The following PGBD5 variants were observed in gnomAD, a reference collection of about 807,000 sequenced individuals.
PGBD5 encodes the protein piggyBac transposable element derived 5, also known as piggyBac transposable element-derived protein 5.
A neutral mutation model predicts 47.9 loss-of-function variants in PGBD5; 14 were observed. That is an observed-to-expected ratio of 0.29 (90% CI 0.19 to 0.46). The LOEUF (loss-of-function observed/expected upper bound fraction) is 0.46. Among genes scored for constraint, PGBD5 ranks in the 20% least tolerant of loss-of-function variants. The probability of loss-of-function intolerance (pLI) is 1.00; values close to 1 mark genes in which losing one functional copy is unlikely to be tolerated. For synonymous variants in PGBD5, 316 were observed against 306.3 expected (o/e 1.03, Z -0.33); for missense variants, 635 against 716.0 (o/e 0.89, Z 1.29).
At chr1:230,394,745 C>G (rs1656882294) in intron 1 of PGBD5, among the ~76,000 whole-genome samples, 1 of 132,654 alleles carries the variant, frequency 7.5e-6, no homozygotes, top group Non-Finnish European at 1.6e-5. Flanking sequence ...CCCTACCCTC[C>G]TCCCCTCCAC....
At chr1:230,422,690 T>C (rs549564962) in intron 1 of PGBD5, among the ~76,000 whole-genome samples, 2 of 152,120 alleles carry the variant, frequency 1.3e-5, no homozygotes, top group East Asian at 1.9e-4. Flanking sequence ...CCATAACTAC[T>C]GGCCGCACTT....
chr1:230,348,634 C>T (rs370043319), intron 3 of PGBD5, among the ~76,000 whole-genome samples: 1 of 152,156 alleles, frequency 6.6e-6, no homozygotes, highest in African/African-American at 2.4e-5. Flanking sequence ...AGATTAGCAC[C>T]TGGAGAACCA....
intron 4 of PGBD5, among the ~76,000 whole-genome samples, chr1:230,336,681 T>G (rs1667329093): frequency 6.6e-6 from 1 of 152,326 alleles, no homozygotes; most frequent in East Asian, 1.9e-4. Flanking sequence ...CTCATTGTAC[T>G]GTTGTTCCCT....
At position 230,332,976 on chromosome 1, in the gene PGBD5, G is replaced by C; in HGVS notation, c.1141C>G (p.Leu381Val). The change falls in exon 5 of 7, where the codon CTG becomes GTG. Residue 381 changes from leucine to valine, a missense_variant. Coordinates refer to ENST00000391860, the MANE Select transcript of PGBD5 (RefSeq NM_001258311.2). ...SDCTGLPLSM[L>V]TNPATPPARG... is the part of the protein sequence containing the mutation. Reference sequence around the variant, plus strand: ...GCCGGGGGTGTGGCTGGGTTGGTCAGCATGGACAGTGGGAGGCCGGTGCAG... The same window carrying C: ...GCCGGGGGTGTGGCTGGGTTGGTCACCATGGACAGTGGGAGGCCGGTGCAG... 6.2e-7 allele frequency: 1 copy of C among 1,613,832 alleles called. No homozygotes were observed. The highest frequency in any genetic ancestry group is 2.2e-5 in the East Asian group (1 of 44,850).
intron 1 of PGBD5, among the ~76,000 whole-genome samples, chr1:230,376,581 C>T (rs1192892804): frequency 6.6e-6 from 1 of 152,092 alleles, no homozygotes; most frequent in Non-Finnish European, 1.5e-5. Context: ...CTGCCCTCTG[C>T]AGAGCTGCCC....
intron 1 of PGBD5, among the ~76,000 whole-genome samples, chr1:230,371,891 C>A (rs1161070646): frequency 6.6e-6 from 1 of 152,200 alleles, no homozygotes; most frequent in East Asian, 1.9e-4. Context: ...CACCTCAGTG[C>A]AGTACCTTAA....
intron 1 of PGBD5, among the ~76,000 whole-genome samples, chr1:230,396,226 T>TTTTA (rs1230850546): frequency 1.3e-4 from 1 of 7,552 alleles, no homozygotes; most frequent in African/African-American, 7.8e-4. Context: ...CATTCCTCCT[T>TTTTA]TTTACCCCCA....
At chr1:230,360,540 CGTGATA>C (rs1190415290) in intron 1 of PGBD5, among the ~76,000 whole-genome samples, 5 of 152,134 alleles carry the variant, frequency 3.3e-5, no homozygotes, top group Non-Finnish European at 7.4e-5. Flanking sequence ...ATGCTGTTCT[CGTGATA>C]GTGAGTGAAT....
rs768993092 is a variant in PGBD5, at chr1:230,333,010, C to G, written c.1107G>C (p.Arg369=). ...GIYCCGLLRA[R]KSDCTGLPLS... ...GTGGGAGGCCGGTGCAGTCACTCTT[C>G]CGCGCGCGGAGCAAGCCGCAGCAGT... Residue 369 remains arginine, a synonymous_variant, in exon 5 of 7, where the codon CGG becomes CGC. Transcript: ENST00000391860. The G allele has an allele frequency of 6.2e-7, 1 of 1,608,590 alleles. No homozygotes were observed. The highest frequency in any genetic ancestry group is 8.5e-7 in the Non-Finnish European group (1 of 1,177,600).
chr1:230,330,299 G>A (rs1015816658), intron 5 of PGBD5, among the ~76,000 whole-genome samples: 7 of 152,160 alleles, frequency 4.6e-5, no homozygotes, highest in Non-Finnish European at 8.8e-5. Context: ...TACAGCCTGC[G>A]GCAACCCATC....
intron 1 of PGBD5, among the ~76,000 whole-genome samples, chr1:230,376,195 G>A (rs1668011555): frequency 6.6e-6 from 1 of 152,114 alleles, no homozygotes; most frequent in Non-Finnish European, 1.5e-5. Context: ...GAGAGCTGAT[G>A]TGCTGTGTAA....
At chr1:230,365,067 A>G (rs1402079464) in intron 1 of PGBD5, among the ~76,000 whole-genome samples, 1 of 148,306 alleles carries the variant, frequency 6.7e-6, no homozygotes, top group Non-Finnish European at 1.5e-5. Context: ...TAATCCCAGC[A>G]CTTTGGGAGG....
At chr1:230,368,684 A>AAAAGACACAG (rs1239031440) in intron 1 of PGBD5, among the ~76,000 whole-genome samples, 1 of 152,246 alleles carries the variant, frequency 6.6e-6, no homozygotes, top group Non-Finnish European at 1.5e-5. Flanking sequence ...GGAGAGAAGA[A>AAAAGACACAG]AAAGACACAG....
intron 1 of PGBD5, chr1:230,362,206 C>A (rs2102710072): frequency 1.5e-6 from 2 of 1,325,686 alleles, no homozygotes; most frequent in Non-Finnish European, 2.0e-6. Flanking sequence ...GGGGGAGGAT[C>A]TGATGGCTGT....
chr1:230,361,412 G>C (rs1667740207), intron 1 of PGBD5, among the ~76,000 whole-genome samples: 1 of 152,106 alleles, frequency 6.6e-6, no homozygotes, highest in African/African-American at 2.4e-5. Context: ...GCATGCTGAT[G>C]GTGCATTGCC....
Position 230,337,160 on chromosome 1 carries a change from G to A in PGBD5, c.1023C>T (p.Phe341=), listed in dbSNP as rs1667338393. The change falls in exon 4 of 7, where the codon TTC becomes TTT. Residue 341 remains phenylalanine (F), a synonymous_variant. Transcript: ENST00000391860. ...TCAGGCTGGTGATGCTGGGCCCCGTGAAAATGATGTAGTTCTTGCCTGCCG... is the reference window on the plus strand; with the variant it reads ...TCAGGCTGGTGATGCTGGGCCCCGTAAAAATGATGTAGTTCTTGCCTGCCG... The part of the protein sequence containing the change: ...RNAAGKNYII[F]TGPSITSLTL... The A allele has an allele frequency of 3.1e-6, 5 of 1,614,190 alleles. No homozygotes were observed. The highest frequency in any genetic ancestry group is 4.2e-6 in the Non-Finnish European group (5 of 1,180,026).
intron 3 of PGBD5, among the ~76,000 whole-genome samples, chr1:230,346,924 G>A (rs1461584826): frequency 1.3e-5 from 2 of 152,074 alleles, no homozygotes; most frequent in Non-Finnish European, 2.9e-5. Flanking sequence ...TGGTGGTGTG[G>A]TTAACCAAAC....
At chr1:230,415,846 T>C (rs1657500498) in intron 1 of PGBD5, among the ~76,000 whole-genome samples, 1 of 152,196 alleles carries the variant, frequency 6.6e-6, no homozygotes, top group African/African-American at 2.4e-5. Flanking sequence ...ACATATACCA[T>C]GTTCCACACT....
intron 1 of PGBD5, among the ~76,000 whole-genome samples, chr1:230,373,360 T>C (rs1340518708): frequency 6.6e-6 from 1 of 152,208 alleles, no homozygotes; most frequent in African/African-American, 2.4e-5. Context: ...CAATAGTCTG[T>C]AGCTGCCTGC....
Sources: gnomAD v4.1 joint callset for allele counts (sites outside exome capture counted in the v4.1 genomes callset) on GRCh38, gnomAD v4.1.1 for gene constraint, MANE v1.5 for transcripts, NCBI Gene and HGNC (gene_info 2026-07-23, HGNC 2026-07-21) for gene names.